The following PROCR variants were observed in gnomAD, a reference collection of about 807,000 sequenced individuals.
PROCR encodes protein C receptor.
PROCR carries 22 observed loss-of-function variants against 24.2 expected under a neutral mutation model. The observed-to-expected ratio is 0.91, with a 90% CI of 0.65 to 1.30. PROCR has a LOEUF of 1.30. Ranked by LOEUF, PROCR falls within the 50% of genes most tolerant of loss-of-function variation. The pLI, the probability that PROCR is intolerant of heterozygous loss-of-function variation, is 0.00. For missense variants in PROCR, 288 were observed against 307.7 expected, an observed-to-expected ratio of 0.94 and a Z score of 0.48; for synonymous variants, 137 against 139.2, an observed-to-expected ratio of 0.98 and a Z score of 0.11.
chr20:35,207,741 G>C (rs997151550), intron 1 of PROCR, among the ~76,000 whole-genome samples: 5 of 152,006 alleles, frequency 3.3e-5, no homozygotes, highest in African/African-American at 1.2e-4. Context: ...TGTTGGTCAG[G>C]CTGGTCTCGA....
At chr20:35,190,283 T>A (rs2086162376) in intron 1 of PROCR, among the ~76,000 whole-genome samples, 1 of 152,174 alleles carries the variant, frequency 6.6e-6, no homozygotes, top group South Asian at 2.1e-4. Context: ...AAAAAATAGA[T>A]CCAACTCGCA....
In PROCR at chr20:35,174,728, A is replaced by C; in HGVS notation, c.97A>C (p.Ile33Leu). ...CCTCCAAAGACTTCATATGCTCCAGATCTCCTACTTCCGCGACCCCTATCA... is the reference window on the plus strand; with the variant it reads ...CCTCCAAAGACTTCATATGCTCCAGCTCTCCTACTTCCGCGACCCCTATCA... Reference protein sequence around the residue: ...DGLQRLHMLQISYFRDPYHVW... With the variant: ...DGLQRLHMLQLSYFRDPYHVW... Residue 33 changes from isoleucine to leucine, a missense_variant, in exon 2 of 4, where the codon ATC (isoleucine) becomes CTC (leucine). Coordinates refer to ENST00000216968, the MANE Select transcript of PROCR (RefSeq NM_006404.5). The C allele has an allele frequency of 6.2e-7, 1 of 1,614,006 alleles. No homozygotes were observed.
At position 35,176,368 on chromosome 20, in the gene PROCR, C is replaced by T. The variant is rs1568591387; in HGVS notation, c.523C>T (p.Arg175Trp). 1.2e-6 allele frequency: 2 copies of T among 1,614,226 alleles called. No individual in the cohort carries two copies. The highest frequency in any genetic ancestry group is 2.2e-5 in the South Asian group (2 of 91,088). The stretch of plus-strand genomic sequence containing the variant: ...GCAGCTCAATGCCTACAACCGCACT[C>T]GGTATGAACTGCGGGAATTCCTGGA... ...LQQLNAYNRT[R>W]YELREFLEDT... Residue 175 changes from arginine (R) to tryptophan (W), a missense_variant, in exon 3 of 4, where the codon CGG (arginine) becomes TGG (tryptophan). Transcript: ENST00000216968.
intron 1 of PROCR, among the ~76,000 whole-genome samples, chr20:35,185,862 A>G (rs2146157535): frequency 6.6e-6 from 1 of 152,308 alleles, no homozygotes; most frequent in Admixed American, 6.5e-5. Flanking sequence ...CTGTACCTCG[A>G]TAACTTATGG....
chr20:35,175,872 GC>G (rs1398218559), intron 2 of PROCR, among the ~76,000 whole-genome samples: 1 of 151,200 alleles, frequency 6.6e-6, no homozygotes, highest in African/African-American at 2.4e-5. Flanking sequence ...GGCGTGAGCT[GC>G]CGCCCCTGCC....
chr20:35,178,920 G>A (rs545392889), downstream of PROCR, among the ~76,000 whole-genome samples: 9 of 151,240 alleles, frequency 6.0e-5, no homozygotes, highest in African/African-American at 1.2e-4. Context: ...TTAAATAAAA[G>A]TATATATGTA....
intron 1 of PROCR, among the ~76,000 whole-genome samples, chr20:35,215,270 T>G (rs1238182094): frequency 6.6e-6 from 1 of 152,226 alleles, no homozygotes; most frequent in East Asian, 1.9e-4. Flanking sequence ...CTTGTAACTT[T>G]TGAACACGTG....
At chr20:35,198,673 T>C (rs2060308140) in intron 1 of PROCR, among the ~76,000 whole-genome samples, 1 of 151,630 alleles carries the variant, frequency 6.6e-6, no homozygotes, top group African/African-American at 2.4e-5. Context: ...ACATTTTCCA[T>C]GTAGGCAAAA....
At chr20:35,200,528 G>A (rs1330284034) in intron 1 of PROCR, among the ~76,000 whole-genome samples, 1 of 152,014 alleles carries the variant, frequency 6.6e-6, no homozygotes, top group Non-Finnish European at 1.5e-5. Context: ...TTTTAACTAA[G>A]GTATTTACAT....
Position 35,191,383 on chromosome 20 carries a change from A to G in PROCR, c.94+14937A>G, listed in dbSNP as rs1009652242. Among the ~76,000 whole-genome samples the G allele has an allele frequency of 5.3e-5, 8 of 152,352 alleles. No homozygotes were observed. The South Asian group carries it at 1.7e-3, about 32-fold the overall frequency. On this transcript the variant is annotated intron_variant, in intron 1 of 1. Transcript: ENST00000634509. Reference sequence around the variant, plus strand: ...TCAGACGCTGTTTTAGGACGTGGGAATAGAGCAATATAGCAGAGAACAAAA... The same window carrying G: ...TCAGACGCTGTTTTAGGACGTGGGAGTAGAGCAATATAGCAGAGAACAAAA...
chr20:35,210,667 T>C (rs1228255678), intron 1 of PROCR, among the ~76,000 whole-genome samples: 1 of 152,116 alleles, frequency 6.6e-6, no homozygotes, highest in Non-Finnish European at 1.5e-5. Context: ...GTGCAATGTA[T>C]CATTCAGGGT....
chr20:35,184,042 A>T (rs993868552), intron 1 of PROCR, among the ~76,000 whole-genome samples: 1 of 152,220 alleles, frequency 6.6e-6, no homozygotes, highest in African/African-American at 2.4e-5. Flanking sequence ...TCACAGAGTT[A>T]GAAAAAACAA....
At chr20:35,182,504 G>A (rs976416643) in intron 1 of PROCR, among the ~76,000 whole-genome samples, 3 of 152,122 alleles carry the variant, frequency 2.0e-5, no homozygotes, top group Admixed American at 1.3e-4. Context: ...TTTAATAAAT[G>A]TTTGTCAGAA....
chr20:35,207,396 A>G lies in PROCR; in HGVS notation c.95-8497A>G, dbSNP rs746917941. ...ATCTATTATGTGTATGTTTGTGTATATATATATATATATATATACACATAT... is the reference window on the plus strand; with the variant it reads ...ATCTATTATGTGTATGTTTGTGTATGTATATATATATATATATACACATAT... On this transcript the variant is annotated intron_variant, in intron 1 of 1. Transcript: ENST00000634509. 2.7e-3 allele frequency among the ~76,000 whole-genome samples: 332 copies of G among 121,604 alleles called. 2 individuals are homozygous for G. Among genetic ancestry groups the G allele is most frequent in the African/African-American group, 4.9e-3 (179 of 36,898 alleles). 79.8% of individuals were successfully genotyped at this position (121,604 alleles called of 152,430 possible). A position where few individuals can be genotyped will look rare whatever the true frequency, so the allele number is the denominator to read the frequency against.
intron 1 of PROCR, among the ~76,000 whole-genome samples, chr20:35,189,269 G>C (rs1231012217): frequency 6.8e-6 from 1 of 148,148 alleles, no homozygotes; most frequent in African/African-American, 2.5e-5. Context: ...GCATTCCGGG[G>C]GGGGGCCTCT....
chr20:35,206,474 CAAAAAAA>C, intron 1 of PROCR, among the ~76,000 whole-genome samples: 1 of 68,742 alleles, frequency 1.5e-5, no homozygotes, highest in East Asian at 5.7e-4. Context: ...GACTCTATCT[CAAAAAAA>C]AAAAAAAAAA....
At position 35,176,322 on chromosome 20, in the gene PROCR, A is replaced by C. The variant is rs1265112732; in HGVS notation, c.477A>C (p.Gly159=). ...AGGCAGACACCCAGGTCACCTCCGG[A>C]GTGGTCACCTTCACCCTGCAGCAGC... The part of the protein sequence containing the change: ...LWQADTQVTS[G]VVTFTLQQLN... Residue 159 remains glycine, a synonymous_variant, in exon 3 of 4, where the codon GGA becomes GGC. Coordinates refer to ENST00000216968, the MANE Select transcript of PROCR (RefSeq NM_006404.5). The C allele has an allele frequency of 1.2e-6, 2 of 1,614,072 alleles. No individual in the cohort carries two copies. Among genetic ancestry groups the C allele is most frequent in the African/African-American group, 2.7e-5 (2 of 74,928 alleles).
At chr20:35,178,507 G>GTTTTT (rs1203789471), downstream of PROCR, among the ~76,000 whole-genome samples, 5 of 34,376 alleles carry the variant, frequency 1.5e-4, no homozygotes, top group African/African-American at 5.5e-4. Context: ...TCAAGTCTCA[G>GTTTTT]TTTTTTTTTT....
At chr20:35,210,409 T>TACAC (rs2060357749) in intron 1 of PROCR, among the ~76,000 whole-genome samples, 1 of 151,782 alleles carries the variant, frequency 6.6e-6, no homozygotes, top group Non-Finnish European at 1.5e-5. Flanking sequence ...TAGGTGGGTG[T>TACAC]GGTGGCACAC....
Sources: gnomAD v4.1 joint callset for allele counts (sites outside exome capture counted in the v4.1 genomes callset) on GRCh38, gnomAD v4.1.1 for gene constraint, MANE v1.5 for transcripts, NCBI Gene and HGNC (gene_info 2026-07-23, HGNC 2026-07-21) for gene names.